The following PINK1 variants were observed in gnomAD, a reference collection of about 807,000 sequenced individuals.
The protein encoded by PINK1 is serine/threonine-protein kinase PINK1, mitochondrial.
Under a neutral mutation model 56.0 loss-of-function variants are expected in PINK1, and 58 were observed. The ratio of observed to expected loss-of-function variants is 1.04; its 90% CI spans 0.84 to 1.29. PINK1 has a LOEUF of 1.29. PINK1 is among the 50% of genes most tolerant of loss of function. The pLI is 0.00. For synonymous variants in PINK1, 354 were observed against 339.3 expected (o/e 1.04, Z -0.48); for missense variants, 745 against 777.9 (o/e 0.96, Z 0.50).
intron 1 of PINK1, 28 bp downstream of exon 1, chr1:20,633,963 CG>C: frequency 5.8e-6 from 7 of 1,215,224 alleles, no homozygotes; most frequent in Non-Finnish European, 7.4e-6. Context: ...CTAAGCCGAG[CG>C]GAGGACGGAG....
chr1:20,639,678 T>C, intron 2 of PINK1: 1 of 631,058 alleles, frequency 1.6e-6, no homozygotes, highest in South Asian at 1.7e-5. Context: ...TTGAGGAGTG[T>C]GAAGAATCCT....
chr1:20,636,852 G>T (rs2053061376), intron 1 of PINK1, among the ~76,000 whole-genome samples: 1 of 152,202 alleles, frequency 6.6e-6, no homozygotes, highest in South Asian at 2.1e-4. Flanking sequence ...GGGCTGGAAG[G>T]ATGCTGTGAG....
At chr1:20,648,317 G>A in intron 5 of PINK1, 188 bp from the exon 6 acceptor site, 1 of 733,914 alleles carries the variant, frequency 1.4e-6, no homozygotes, top group Admixed American at 2.2e-5. Flanking sequence ...GTACTTACTG[G>A]AGGCATTTCC....
At chr1:20,634,000 T>TGGG in intron 1 of PINK1, 65 bp downstream of exon 1, 5 of 696,602 alleles carry the variant, frequency 7.2e-6, no homozygotes, top group Non-Finnish European at 5.7e-6. Context: ...GGTCCTCAGC[T>TGGG]GGGTGGGGGC....
chr1:20,644,651 C>T lies in PINK1; in HGVS notation c.938C>T (p.Thr313Met), dbSNP rs74315359. 22 of 1,614,228 alleles carry T rather than the reference C, an allele frequency of 1.4e-5. No individual in the cohort carries two copies. In the East Asian group the frequency reaches 1.6e-4, roughly 11 times the overall value. Reference protein sequence around the residue: ...LHPEGLGHGRTLFLVMKNYPC... With the variant: ...LHPEGLGHGRMLFLVMKNYPC... ...CCTGAAGGCCTGGGCCATGGCCGGA[C>T]GCTGTTCCTCGTTATGAAGAAGTAA... The change falls in exon 4 of 8, where the codon ACG becomes ATG. Residue 313 changes from threonine to methionine, a missense_variant. Thr to Met is a moderately conservative substitution (Grantham distance 81, BLOSUM62 -1). Coordinates refer to ENST00000321556, the MANE Select transcript of PINK1 (RefSeq NM_032409.3).
In PINK1 at chr1:20,644,666, T is replaced by C; in HGVS notation, c.953T>C (p.Met318Thr). 3 of 1,614,200 alleles carry C rather than the reference T, an allele frequency of 1.9e-6. No homozygotes were observed. The highest frequency in any genetic ancestry group is 1.7e-6 in the Non-Finnish European group (2 of 1,180,046). Residue 318 changes from methionine to threonine, a missense_variant, in exon 4 of 8, where the codon ATG becomes ACG. Transcript: ENST00000321556. ...LGHGRTLFLV[M>T]KNYPCTLRQY... ...CATGGCCGGACGCTGTTCCTCGTTA[T>C]GAAGAAGTAAGTGACAGCAGCGCGG...
In PINK1 at chr1:20,645,544, C is replaced by T. The variant is rs776485113; in HGVS notation, c.960-16C>T. The T allele has an allele frequency of 6.2e-7, 1 of 1,612,430 alleles. No individual in the cohort carries two copies. Among genetic ancestry groups the T allele is most frequent in the Non-Finnish European group, 8.5e-7 (1 of 1,179,652 alleles). On this transcript the variant is annotated splice_polypyrimidine_tract_variant and intron_variant, in intron 4 of 7. Coordinates refer to ENST00000321556, the MANE Select transcript of PINK1 (RefSeq NM_032409.3). The stretch of plus-strand genomic sequence containing the variant: ...TCGATGTGTGGTAGCCAGAGGCCCT[C>T]TCCCCTCTCCGCCAGCTATCCCTGT...
At chr1:20,650,093 GAAC>G (rs1160540268) in intron 7 of PINK1, 4 of 383,892 alleles carry the variant, frequency 1.0e-5, no homozygotes, top group East Asian at 1.2e-4. Flanking sequence ...GTGAAGGTTA[GAAC>G]AACAGCTGCA....
intron 6 of PINK1, 38 bp downstream of exon 6, chr1:20,648,670 T>TC (rs1466794727): frequency 1.9e-6 from 3 of 1,610,432 alleles, no homozygotes; most frequent in Middle Eastern, 1.7e-4. Context: ...CGGCAGCCCT[T>TC]CCCCCACATG....
In PINK1 at chr1:20,649,016, C is replaced by T. The variant is rs554114655; in HGVS notation, c.1273C>T (p.Pro425Ser). ...APEVSTARPG[P>S]RAVIDYSKAD... ...GCAGGTGTCCACGGCCCGTCCTGGCCCCAGGGCAGTGATTGACTACAGCAA... is the reference window on the plus strand; with the variant it reads ...GCAGGTGTCCACGGCCCGTCCTGGCTCCAGGGCAGTGATTGACTACAGCAA... The change falls in exon 7 of 8, where the codon CCC becomes TCC. Residue 425 changes from proline (P) to serine (S), a missense_variant. Transcript: ENST00000321556. The T allele has an allele frequency of 1.7e-5, 27 of 1,613,582 alleles. No individual in the cohort carries two copies. In the South Asian group the frequency reaches 2.7e-4, roughly 16 times the overall value.
intron 3 of PINK1, 65 bp downstream of exon 3, chr1:20,640,057 T>G (rs1301942029): frequency 7.6e-7 from 1 of 1,309,416 alleles, no homozygotes; most frequent in South Asian, 1.3e-5. Flanking sequence ...CCATCACTTA[T>G]GTCCTCAGCA....
Position 20,638,102 on chromosome 1 carries a change from G to A in PINK1, c.648G>A (p.Leu216=), listed in dbSNP as rs2154533641. The change falls in exon 2 of 8, where the codon TTG becomes TTA. Residue 216 remains leucine (L), a synonymous_variant. Transcript: ENST00000321556. ...CTCCGGGGGCCCCTGCCTTCCCCTTGGCCATCAAGATGATGTGGAACATCT... is the reference window on the plus strand; with the variant it reads ...CTCCGGGGGCCCCTGCCTTCCCCTTAGCCATCAAGATGATGTGGAACATCT... ...ERAPGAPAFP[L]AIKMMWNISA... is the part of the protein sequence containing the mutation. 6.2e-7 allele frequency: 1 copy of A among 1,613,332 alleles called. No individual in the cohort carries two copies. Among genetic ancestry groups the A allele is most frequent in the Non-Finnish European group, 8.5e-7 (1 of 1,180,000 alleles).
rs1452019115 is a variant in PINK1, at chr1:20,641,898, C to T, written c.776+1906C>T. On this transcript the variant is annotated intron_variant, in intron 3 of 7. Transcript: ENST00000321556. The surrounding 1 kb of genome is among the most constrained non-coding windows in gnomAD (Gnocchi z 4.0). ...TTTCAGGTCTCAGTTCAGACACCCG[C>T]AACCCCACCATGTATCTCCCCAGTA... 2.6e-5 allele frequency among the ~76,000 whole-genome samples: 4 copies of T among 152,190 alleles called. No homozygotes were observed. The highest frequency in any genetic ancestry group is 9.7e-5 in the African/African-American group (4 of 41,442).
rs774272854 is a variant in PINK1, at chr1:20,638,073, C to T, written c.619C>T (p.Arg207Ter). The change falls in exon 2 of 8, where the codon CGA becomes TGA. Residue 207 changes from arginine (R) to a stop codon, truncating the protein, a stop_gained. Transcript: ENST00000321556. LOFTEE classifies it high-confidence loss of function. ...CAGTGCACCAGGAGAAGGGCAGGAG[C>T]GAGCTCCGGGGGCCCCTGCCTTCCC... ...GTSAPGEGQE[R>*]APGAPAFPLA... The T allele has an allele frequency of 8.7e-6, 14 of 1,614,050 alleles. No homozygotes were observed. Among genetic ancestry groups the T allele is most frequent in the South Asian group, 3.3e-5 (3 of 91,084 alleles).
intron 1 of PINK1, 73 bp downstream of exon 1, chr1:20,634,008 G>A (rs2053026349): frequency 6.7e-7 from 1 of 1,491,620 alleles, no homozygotes. Context: ...GCTGGGTGGG[G>A]GCGGGGCTAG....
At chr1:20,650,391 G>A (rs368454614) in intron 7 of PINK1, 43 bp from the exon 8 acceptor site, 1 of 1,611,602 alleles carries the variant, frequency 6.2e-7, no homozygotes, top group African/African-American at 1.3e-5. Context: ...GGTTGAGACT[G>A]TGTTAACAGA....
At chr1:20,642,383 G>A (rs2053125600) in intron 3 of PINK1, among the ~76,000 whole-genome samples, 1 of 152,192 alleles carries the variant, frequency 6.6e-6, no homozygotes, top group South Asian at 2.1e-4. Context: ...GAGGTTTAAG[G>A]GGTGGATTCT....
At chr1:20,645,239 A>G (rs956076577) in intron 4 of PINK1, among the ~76,000 whole-genome samples, 1 of 152,210 alleles carries the variant, frequency 6.6e-6, no homozygotes, top group Non-Finnish European at 1.5e-5. Context: ...CTGTAATCCC[A>G]GCACTTTGGA....
rs1431490085 is a variant in PINK1, at chr1:20,651,382, G to A, written c.*691G>A. On this transcript the variant is annotated 3_prime_UTR_variant, in exon 8 of 8. Coordinates refer to ENST00000321556, the MANE Select transcript of PINK1 (RefSeq NM_032409.3). Reference sequence around the variant, plus strand: ...AATGATTCTTATACTCTGAAGGTGAGAATATTTTGTGGGCAGGTATCAACA... The same window carrying A: ...AATGATTCTTATACTCTGAAGGTGAAAATATTTTGTGGGCAGGTATCAACA... 2 of 153,022 alleles carry A rather than the reference G, an allele frequency of 1.3e-5. No individual in the cohort carries two copies. The highest frequency in any genetic ancestry group is 2.9e-5 in the Non-Finnish European group (2 of 68,698). The allele number at this position is 153,022 out of a possible 1,614,324, so 9.5% of individuals were successfully genotyped here.
Sources: gnomAD v4.1 joint callset for allele counts (sites outside exome capture counted in the v4.1 genomes callset) on GRCh38, gnomAD v4.1.1 for gene constraint, Gnocchi (gnomAD v3.1) non-coding constraint, MANE v1.5 for transcripts, NCBI Gene and HGNC (gene_info 2026-07-23, HGNC 2026-07-21) for gene names.